Variants in SHANK1 observed in about 807,000 individuals in gnomAD.
SHANK1 encodes the protein SH3 and multiple ankyrin repeat domains 1, also known as SH3 and multiple ankyrin repeat domains protein 1.
SHANK1 carries 35 observed loss-of-function variants against 165.6 expected under a neutral mutation model. The ratio of observed to expected loss-of-function variants is 0.21; its 90% CI spans 0.16 to 0.28. SHANK1 has a LOEUF of 0.28. SHANK1 is among the 10% of genes least tolerant of loss of function. The pLI, the probability that SHANK1 is intolerant of heterozygous loss-of-function variation, is 1.00. For synonymous variants in SHANK1, 1,428 were observed against 1,384.8 expected (o/e 1.03, Z -0.69); for missense variants, 2,681 against 3,036.4 (o/e 0.88, Z 2.75).
rs1986518398 is a variant in SHANK1, at chr19:50,690,904, C to T, written c.1965-1625G>A. 6.6e-6 allele frequency among the ~76,000 whole-genome samples: 1 copy of T among 152,156 alleles called. No homozygotes were observed. Among genetic ancestry groups the T allele is most frequent in the African/African-American group, 2.4e-5 (1 of 41,430 alleles). On this transcript the variant is annotated intron_variant, in intron 15 of 23. Transcript: ENST00000293441. The surrounding 1 kb of genome is among the most constrained non-coding windows in gnomAD (Gnocchi z 4.9). ...CTGTATGCTCCCAGGACCCCCATGG[C>T]TCCCCTTGTAAAAATCCATACATTT...
In SHANK1 at chr19:50,668,243, C is replaced by G. The variant is rs764335297; in HGVS notation, c.3717G>C (p.Ala1239=). The G allele has an allele frequency of 6.9e-7, 1 of 1,458,236 alleles. No individual in the cohort carries two copies. Among genetic ancestry groups the G allele is most frequent in the Non-Finnish European group, 8.9e-7 (1 of 1,120,006 alleles). The allele number at this position is 1,458,236 out of a possible 1,614,324, so 90.3% of individuals were successfully genotyped here. Reference sequence around the variant, plus strand: ...TCTGCCAGCCCCCCTCCCTCCGGGCCGCCCCCACCAGGGCGGCCCCGAACT... The same window carrying G: ...TCTGCCAGCCCCCCTCCCTCCGGGCGGCCCCCACCAGGGCGGCCCCGAACT... ...TSQFGAALVG[A]ARREGGWQNE... is the part of the protein sequence containing the mutation. The change falls in exon 23 of 24, where the codon GCG becomes GCC. Residue 1239 remains alanine (A), a synonymous_variant. Transcript: ENST00000293441.
intron 8 of SHANK1, among the ~76,000 whole-genome samples, chr19:50,709,795 C>A (rs2088986267): frequency 6.6e-6 from 1 of 152,198 alleles, no homozygotes; most frequent in Non-Finnish European, 1.5e-5. Context: ...AAGCCATCCT[C>A]CTGCCTTAGC....
rs146519566 is a variant in SHANK1, at chr19:50,698,463, C to G, written c.1748-507G>C. Among the ~76,000 whole-genome samples, 224 of 152,284 alleles carry G rather than the reference C, an allele frequency of 1.5e-3. 1 individual carries two copies. The highest frequency in any genetic ancestry group is 5.2e-3 in the African/African-American group (217 of 41,542). On this transcript the variant is annotated intron_variant, in intron 12 of 23. Transcript: ENST00000293441. ...GGCTCTAGAAGGGAAAAGAGATTAG[C>G]ATCACCTCTTTCCTTCTCTCCCTCT... is the stretch of plus-strand genomic sequence containing the variant.
intron 23 of SHANK1, among the ~76,000 whole-genome samples, chr19:50,665,902 A>ATGCCTGTAATCCCAGCTGCT (rs775149350): frequency 7.4e-6 from 1 of 135,648 alleles, no homozygotes; most frequent in African/African-American, 2.9e-5. Flanking sequence ...GTGTGGTGGC[A>ATGCCTGTAATCCCAGCTGCT]TGGGAGGCTG....
rs376940566 is a variant in SHANK1, at chr19:50,667,270, C to T, written c.4690G>A (p.Val1564Met). 7.7e-5 allele frequency: 123 copies of T among 1,596,556 alleles called. No individual in the cohort carries two copies. The highest frequency in any genetic ancestry group is 9.3e-5 in the African/African-American group (7 of 74,954). ...TCCAGAGGCGGAGGCAGCGGTTCCA[C>T]GAAAAGGAATTCGCCATCTTCCACA... ...VDVEDGEFLF[V>M]EPLPPPLEFS... The change falls in exon 23 of 24, where the codon GTG becomes ATG. Residue 1564 changes from valine to methionine, a missense_variant. This residue lies in a region of SHANK1 where 1,713 missense variants were observed against 1,630.2 expected (regional missense o/e 1.05). Transcript: ENST00000293441. This position sits in a 1 kb window ranked among gnomAD's most constrained non-coding sequence, Gnocchi z 5.7.
In SHANK1 at chr19:50,667,504, C is replaced by T. The variant is rs747183891; in HGVS notation, c.4456G>A (p.Glu1486Lys). The change falls in exon 23 of 24, where the codon GAG becomes AAG. Residue 1486 changes from glutamate to lysine, a missense_variant. Transcript: ENST00000293441. The surrounding 1 kb of genome is among the most constrained non-coding windows in gnomAD (Gnocchi z 5.7). Reference protein sequence around the residue: ...PWRSAAPEEPERLPLHVRFLE... With the variant: ...PWRSAAPEEPKRLPLHVRFLE... ...AACCGCACGTGCAGCGGCAGCCGCTCGGGTTCTTCGGGGGCTGCGGACCTC... is the reference window on the plus strand; with the variant it reads ...AACCGCACGTGCAGCGGCAGCCGCTTGGGTTCTTCGGGGGCTGCGGACCTC... 2.0e-6 allele frequency: 3 copies of T among 1,523,804 alleles called. No homozygotes were observed. The highest frequency in any genetic ancestry group is 1.3e-5 in the South Asian group (1 of 79,946). The allele number at this position is 1,523,804 out of a possible 1,614,324, so 94.4% of individuals were successfully genotyped here. A position where few individuals can be genotyped will look rare whatever the true frequency, so the allele number is the denominator to read the frequency against.
chr19:50,708,052 A>G (rs1379062250), intron 8 of SHANK1, among the ~76,000 whole-genome samples: 1 of 151,556 alleles, frequency 6.6e-6, no homozygotes. Context: ...AGTTCAGGCA[A>G]TTCTCTGCCT....
At chr19:50,680,465 G>C (rs925954372) in intron 21 of SHANK1, among the ~76,000 whole-genome samples, 2 of 152,118 alleles carry the variant, frequency 1.3e-5, no homozygotes, top group African/African-American at 4.8e-5. Flanking sequence ...ACCAGAGAAA[G>C]CCAAAGCCAT....
Position 50,716,038 on chromosome 19 carries a change from G to A in SHANK1, c.459+237C>T, listed in dbSNP as rs551529028. 6.6e-6 allele frequency among the ~76,000 whole-genome samples: 1 copy of A among 152,308 alleles called. No individual in the cohort carries two copies. Among genetic ancestry groups the A allele is most frequent in the African/African-American group, 2.4e-5 (1 of 41,560 alleles). The stretch of plus-strand genomic sequence containing the variant: ...GGAATCCTCCCCCAATTTGATGGGT[G>A]AGGAGAAGCTTGGGGCAGGAAAGTG... On this transcript the variant is annotated intron_variant, in intron 3 of 23. Coordinates refer to ENST00000293441, the MANE Select transcript of SHANK1 (RefSeq NM_016148.5). The surrounding 1 kb of genome is among the most constrained non-coding windows in gnomAD (Gnocchi z 8.4).
chr19:50,677,562 A>C lies in SHANK1; in HGVS notation c.2578-5448T>G, dbSNP rs184196149. On this transcript the variant is annotated intron_variant, in intron 21 of 23. Transcript: ENST00000293441. ...CTTTCAAATGTAAATTCTCTAAAGG[A>C]AGTTACTTTGTTTGACTGATTCACT... 4.0e-3 allele frequency among the ~76,000 whole-genome samples: 602 copies of C among 152,254 alleles called. 9 individuals are homozygous for C. Among genetic ancestry groups the C allele is most frequent in the African/African-American group, 0.014 (575 of 41,550 alleles).
chr19:50,669,329 G>A, intron 22 of SHANK1, 44 bp from the exon 23 acceptor site: 1 of 1,348,648 alleles, frequency 7.4e-7, no homozygotes, highest in Non-Finnish European at 1.0e-6. Flanking sequence ...CTGGCGGGGA[G>A]GGTCTCCCTG....
rs1446712943 is a variant in SHANK1, at chr19:50,659,800, A to G, written c.*2165T>C. ...CCCCCCACCCCCTACACCCTCCCCAACCCCGCGGCACCCATCCAGAATGAA... is the reference window on the plus strand; with the variant it reads ...CCCCCCACCCCCTACACCCTCCCCAGCCCCGCGGCACCCATCCAGAATGAA... On this transcript the variant is annotated 3_prime_UTR_variant, in exon 24 of 24. Coordinates refer to ENST00000293441, the MANE Select transcript of SHANK1 (RefSeq NM_016148.5). Among the ~76,000 whole-genome samples, 4 of 28,190 alleles carry G rather than the reference A, an allele frequency of 1.4e-4. No homozygotes were observed. The highest frequency in any genetic ancestry group is 4.9e-4 in the African/African-American group (3 of 6,148). The allele number at this position is 28,190 out of a possible 152,430, so 18.5% of individuals were successfully genotyped here. A position where few individuals can be genotyped will look rare whatever the true frequency, so the allele number is the denominator to read the frequency against.
intron 7 of SHANK1, 21 bp downstream of exon 7, chr19:50,711,926 C>T (rs775503695): frequency 6.2e-7 from 1 of 1,613,824 alleles, no homozygotes; most frequent in Non-Finnish European, 8.5e-7. Flanking sequence ...CCCAGCCCTT[C>T]ATGGCCTGAA....
rs1239762522 is a variant in SHANK1, at chr19:50,719,628, C to T, written c.-266G>A. Among the ~76,000 whole-genome samples the T allele has an allele frequency of 6.7e-6, 1 of 149,180 alleles. No individual in the cohort carries two copies. The highest frequency in any genetic ancestry group is 6.6e-5 in the Admixed American group (1 of 15,082). On this transcript the variant is annotated 5_prime_UTR_variant, in exon 1 of 24. Coordinates refer to ENST00000293441, the MANE Select transcript of SHANK1 (RefSeq NM_016148.5). ...GGGCCTGGCCATCCGCAGAGCGCCC[C>T]CCCTTCCGCCGCGGCCGCCGCGCCC...
intron 18 of SHANK1, 34 bp from the exon 19 acceptor site, chr19:50,687,696 T>TG: frequency 6.9e-7 from 1 of 1,450,720 alleles, no homozygotes; most frequent in Non-Finnish European, 9.1e-7. Context: ...ATCAGTATCA[T>TG]GGGGGAGATG....
In SHANK1 at chr19:50,688,203, A is replaced by C; in HGVS notation, c.2173-145T>G. 1 of 998,980 alleles carries C rather than the reference A, an allele frequency of 1.0e-6. No individual in the cohort carries two copies. The highest frequency in any genetic ancestry group is 1.5e-6 in the Non-Finnish European group (1 of 687,362). The allele number at this position is 998,980 out of a possible 1,614,324, so 61.9% of individuals were successfully genotyped here. ...TCCTCTCCCTCCGACCCTTCATACC[A>C]CCGCCTCCCTGGGCAAGCCCCCTTT... On this transcript the variant is annotated intron_variant, in intron 17 of 23. Transcript: ENST00000293441. The surrounding 1 kb of genome is among the most constrained non-coding windows in gnomAD (Gnocchi z 6.7).
intron 4 of SHANK1, among the ~76,000 whole-genome samples, 158 bp downstream of exon 4, chr19:50,715,501 G>T (rs2089059235): frequency 6.6e-6 from 1 of 151,828 alleles, no homozygotes; most frequent in South Asian, 2.1e-4. Flanking sequence ...CTCAAATGTG[G>T]TACAGCATCC....
In SHANK1 at chr19:50,668,069, G is replaced by A. The variant is rs771488648; in HGVS notation, c.3891C>T (p.Pro1297=). ...TGCCCGCAGACTCCAGTCGGAGGTAGGGCTCGGCGGAGAACATGCCCTCGT... is the reference window on the plus strand; with the variant it reads ...TGCCCGCAGACTCCAGTCGGAGGTAAGGCTCGGCGGAGAACATGCCCTCGT... ...SIDEGMFSAE[P]YLRLESAGSG... The change falls in exon 23 of 24, where the codon CCC becomes CCT. Residue 1297 remains proline, a synonymous_variant. Coordinates refer to ENST00000293441, the MANE Select transcript of SHANK1 (RefSeq NM_016148.5). 13 of 1,480,372 alleles carry A rather than the reference G, an allele frequency of 8.8e-6. 1 individual carries two copies. The South Asian group carries it at 1.7e-4, about 19-fold the overall frequency. 91.7% of individuals were successfully genotyped at this position (1,480,372 alleles called of 1,614,324 possible).
chr19:50,699,610 G>C (rs1396945990), intron 12 of SHANK1, among the ~76,000 whole-genome samples: 1 of 152,178 alleles, frequency 6.6e-6, no homozygotes, highest in Non-Finnish European at 1.5e-5. Context: ...AGAAAGCTTG[G>C]GACATTGGAG....
Sources: gnomAD v4.1 joint callset for allele counts (sites outside exome capture counted in the v4.1 genomes callset) on GRCh38, gnomAD v4.1.1 for gene constraint, gnomAD v4.1.1 regional missense constraint, Gnocchi (gnomAD v3.1) non-coding constraint, MANE v1.5 for transcripts, NCBI Gene and HGNC (gene_info 2026-07-23, HGNC 2026-07-21) for gene names.